The following EPC1 variants were observed in gnomAD, a reference collection of about 807,000 sequenced individuals.
EPC1 encodes the protein enhancer of polycomb 1.
In EPC1, 12 loss-of-function variants were observed where a neutral mutation model predicts 98.4. The ratio of observed to expected loss-of-function variants is 0.12; its 90% CI spans 0.08 to 0.20. The LOEUF (loss-of-function observed/expected upper bound fraction) is 0.20, where lower values mean the gene tolerates loss of function less well. Among genes scored for constraint, EPC1 ranks in the 10% least tolerant of loss-of-function variants. EPC1 has a pLI of 1.00. For missense variants in EPC1, 729 were observed against 990.5 expected (o/e 0.74, Z 3.54); for synonymous variants, 357 against 363.9 (o/e 0.98, Z 0.21).
chr10:32,286,256 T>C (rs374308367), intron 9 of EPC1: 1 of 158,030 alleles, frequency 6.3e-6, no homozygotes, highest in Non-Finnish European at 1.4e-5. Context: ...GAAGAACAAT[T>C]AGATCCTAAC....
rs1338489995 is a variant in EPC1, at chr10:32,289,347, GA to G, written c.975+1815del. On this transcript the variant is annotated intron_variant, in intron 6 of 13. Coordinates refer to ENST00000319778, the MANE Select transcript of EPC1 (RefSeq NM_001272004.3). Reference sequence around the variant, plus strand: ...CAAAATGTCCATGTTAACAAAGTGGGAAAAAAAAAAGTCCATGTTTTTTCAC... The same window carrying G: ...CAAAATGTCCATGTTAACAAAGTGGGAAAAAAAAAGTCCATGTTTTTTCAC... Among the ~76,000 whole-genome samples, 19 of 145,148 alleles carry G rather than the reference GA, an allele frequency of 1.3e-4. No homozygotes were observed. In the East Asian group the frequency reaches 1.6e-3, roughly 12 times the overall value.
chr10:32,347,652 A>G (rs974958065), upstream of EPC1, among the ~76,000 whole-genome samples: 1 of 151,972 alleles, frequency 6.6e-6, no homozygotes, highest in Non-Finnish European at 1.5e-5. Context: ...GGGGCGCTCC[A>G]GAGGCGCCGC....
rs369291981 is a variant in EPC1 at position 32,280,544 on chromosome 10, G to A, written c.1744+4154C>T. On this transcript the variant is annotated intron_variant, in intron 10 of 13. Coordinates refer to ENST00000319778, the MANE Select transcript of EPC1 (RefSeq NM_001272004.3). ...TCACAGGGTCAGGAGTTCAAGACCA[G>A]CCTGGCCAAGATGGTGAAACCCCGT... 6.6e-5 allele frequency among the ~76,000 whole-genome samples: 10 copies of A among 152,224 alleles called. No individual in the cohort carries two copies. The East Asian group carries it at 9.7e-4, about 15-fold the overall frequency.
chr10:32,328,652 C>T (rs1482654840), intron 1 of EPC1, among the ~76,000 whole-genome samples: 2 of 152,146 alleles, frequency 1.3e-5, no homozygotes, highest in Non-Finnish European at 1.5e-5. Context: ...TGGGGAGTTC[C>T]CCACCAGGGA....
rs1348832104 is a variant in EPC1, at chr10:32,268,210, T to C, written c.*853A>G. 2.0e-5 allele frequency: 3 copies of C among 152,190 alleles called. No individual in the cohort carries two copies. The highest frequency in any genetic ancestry group is 7.2e-5 in the African/African-American group (3 of 41,452). 9.4% of individuals were successfully genotyped at this position (152,190 alleles called of 1,614,324 possible). On this transcript the variant is annotated 3_prime_UTR_variant, in exon 14 of 14. Coordinates refer to ENST00000319778, the MANE Select transcript of EPC1 (RefSeq NM_001272004.3). ...GTTGTAAGGACTCCATTTGCATACT[T>C]GATTTAACACTTTTTGGTGTGGAAG...
chr10:32,285,207 G>A, intron 9 of EPC1, 157 bp from the exon 10 acceptor site: 1 of 526,636 alleles, frequency 1.9e-6, no homozygotes, highest in Non-Finnish European at 3.3e-6. Flanking sequence ...GTTTTTATAG[G>A]CTACAACCTC....
At chr10:32,296,713 C>A (rs1310073226) in intron 2 of EPC1, among the ~76,000 whole-genome samples, 1 of 152,164 alleles carries the variant, frequency 6.6e-6, no homozygotes, top group Non-Finnish European at 1.5e-5. Context: ...TCCAGACCAG[C>A]CTGGCCAACA....
In EPC1 at chr10:32,371,681, C is replaced by T. The variant is rs1319104595; in HGVS notation, c.3+6810G>A. Among the ~76,000 whole-genome samples the T allele has an allele frequency of 3.3e-5, 5 of 152,154 alleles. No individual in the cohort carries two copies. In the East Asian group the frequency reaches 9.7e-4, roughly 29 times the overall value. Reference sequence around the variant, plus strand: ...TGGGAGGCCGAGGCGGGTGGATCACCTGAGGTCAAGAGTTCGAGACCAGCC... The same window carrying T: ...TGGGAGGCCGAGGCGGGTGGATCACTTGAGGTCAAGAGTTCGAGACCAGCC... On this transcript the variant is annotated intron_variant, in intron 1 of 13. Coordinates refer to the EPC1 transcript ENST00000375110.
In EPC1 at chr10:32,364,001, CATTTTTT is replaced by C. The variant is rs1164402764; in HGVS notation, c.3+14483_3+14489del. 5.7e-4 allele frequency among the ~76,000 whole-genome samples: 35 copies of C among 61,858 alleles called. 4 individuals are homozygous for C. The highest frequency in any genetic ancestry group is 5.8e-4 in the Non-Finnish European group (19 of 32,530). The allele number at this position is 61,858 out of a possible 152,430, so 40.6% of individuals were successfully genotyped here. A position where few individuals can be genotyped will look rare whatever the true frequency, so the allele number is the denominator to read the frequency against. The stretch of plus-strand genomic sequence containing the variant: ...AATAGTATCGTGTCCATCATGTTGG[CATTTTTT>C]TTTTTTTTTTTTTTTTTTTTTTTTA... On this transcript the variant is annotated intron_variant, in intron 1 of 13. Transcript: ENST00000375110.
intron 1 of EPC1, among the ~76,000 whole-genome samples, chr10:32,333,373 G>A (rs1655074680): frequency 6.6e-6 from 1 of 152,014 alleles, no homozygotes; most frequent in South Asian, 2.1e-4. Flanking sequence ...ACAAAAACCT[G>A]GAAATTTTAT....
At chr10:32,327,384 T>C (rs142322806) in intron 1 of EPC1, among the ~76,000 whole-genome samples, 2 of 152,312 alleles carry the variant, frequency 1.3e-5, no homozygotes, top group African/African-American at 2.4e-5. Flanking sequence ...TGGTACTCTA[T>C]TGGACAGTAG....
rs1299666637 is a variant in EPC1 at position 32,303,199 on chromosome 10, A to AGGCT, written c.313+2569_313+2572dup. Among the ~76,000 whole-genome samples, 3 of 152,120 alleles carry AGGCT rather than the reference A, an allele frequency of 2.0e-5. No homozygotes were observed. The East Asian group carries it at 5.8e-4, about 29-fold the overall frequency. On this transcript the variant is annotated intron_variant, in intron 2 of 13. Transcript: ENST00000319778. ...ACACCTGTAATCCCAACTACTCGGG[A>AGGCT]GGCTGAGGCACGAGAATCGCTTGAA...
intron 3 of EPC1, 67 bp from the exon 4 acceptor site, chr10:32,293,261 A>C (rs1332178688): frequency 8.3e-7 from 1 of 1,210,132 alleles, no homozygotes; most frequent in African/African-American, 1.5e-5. Context: ...ATTTACTTCT[A>C]AATTTAAAGG....
intron 10 of EPC1, among the ~76,000 whole-genome samples, chr10:32,279,973 A>G (rs954723923): frequency 1.3e-5 from 2 of 152,138 alleles, no homozygotes; most frequent in African/African-American, 4.8e-5. Context: ...TGGTATCCAG[A>G]GGACCAAGCA....
intron 1 of EPC1, among the ~76,000 whole-genome samples, chr10:32,311,296 G>C (rs1324218730): frequency 7.2e-6 from 1 of 139,528 alleles, no homozygotes; most frequent in Non-Finnish European, 1.5e-5. Flanking sequence ...CTGGGCGACA[G>C]AGCGAGACTC....
chr10:32,298,558 T>C (rs1412645049), intron 2 of EPC1, among the ~76,000 whole-genome samples: 1 of 152,178 alleles, frequency 6.6e-6, no homozygotes, highest in African/African-American at 2.4e-5. Flanking sequence ...GAAAAGACTG[T>C]TGTGAAGATG....
chr10:32,365,633 T>G (rs1839577030), intron 1 of EPC1, among the ~76,000 whole-genome samples: 1 of 151,104 alleles, frequency 6.6e-6, no homozygotes, highest in Non-Finnish European at 1.5e-5. Flanking sequence ...GCCAACATGG[T>G]GAAACCCCTG....
intron 2 of EPC1, among the ~76,000 whole-genome samples, chr10:32,297,676 G>A (rs898995243): frequency 6.6e-6 from 1 of 151,940 alleles, no homozygotes; most frequent in African/African-American, 2.4e-5. Flanking sequence ...GATGCATACA[G>A]GTAAACAGAA....
At chr10:32,270,305 T>C (rs1835775535) in intron 13 of EPC1, among the ~76,000 whole-genome samples, 1 of 152,262 alleles carries the variant, frequency 6.6e-6, no homozygotes, top group Admixed American at 6.5e-5. Context: ...CTCACTCTTT[T>C]ATGCTTGTCT....
Sources: allele counts gnomAD v4.1 joint callset (sites outside exome capture counted in the v4.1 genomes callset), GRCh38; gene constraint gnomAD v4.1.1; transcripts MANE v1.5; gene names NCBI Gene and HGNC (gene_info 2026-07-23, HGNC 2026-07-21).